The following RNF17 variants were observed in gnomAD, a reference collection of about 807,000 sequenced individuals.
RNF17 encodes the protein spermatogenesis associated 23.
A neutral mutation model predicts 200.5 loss-of-function variants in RNF17; 31 were observed. The observed-to-expected ratio is 0.15, with a 90% CI of 0.12 to 0.21. The LOEUF (loss-of-function observed/expected upper bound fraction) is 0.21. Among genes scored for constraint, RNF17 ranks in the 10% least tolerant of loss-of-function variants. RNF17 has a pLI of 1.00. For missense variants in RNF17, 1,628 were observed against 1,905.1 expected (o/e 0.85, Z 2.71); for synonymous variants, 606 against 637.8 (o/e 0.95, Z 0.75).
chr13:24,847,051 C>A (rs538288487), intron 22 of RNF17, among the ~76,000 whole-genome samples: 2 of 151,296 alleles, frequency 1.3e-5, no homozygotes, highest in South Asian at 4.2e-4. Context: ...ATAAACCATA[C>A]TGGTTTATCT....
At position 24,853,839 on chromosome 13, in the gene RNF17, T is replaced by C; in HGVS notation, c.3321-16T>C. ...ATTTGCTTATGTTTAGATGTGTTCT[T>C]TTTTGGATGTTACAGAATTAATAAC... is the stretch of plus-strand genomic sequence containing the variant. On this transcript the variant is annotated splice_polypyrimidine_tract_variant and intron_variant, in intron 24 of 35. Transcript: ENST00000255324. 6.4e-7 allele frequency: 1 copy of C among 1,572,534 alleles called. No individual in the cohort carries two copies. Among genetic ancestry groups the C allele is most frequent in the South Asian group, 1.2e-5 (1 of 84,708 alleles).
rs1044763613 is a variant in RNF17, at chr13:24,879,204, G to C, written c.4791G>C (p.Gln1597His). 3.7e-6 allele frequency: 6 copies of C among 1,613,238 alleles called. No homozygotes were observed. In the African/African-American group the frequency reaches 8.0e-5, roughly 22 times the overall value. The stretch of plus-strand genomic sequence containing the variant: ...AATTTTAGGCTCCAGCACCAGAACA[G>C]ATAGTGACATTATATGACGATGAAC... ...YAVSMAPAPE[Q>H]IVTLYDDEQH... is the part of the protein sequence containing the mutation. The change falls in exon 35 of 36, where the codon CAG becomes CAC. Residue 1597 changes from glutamine (Q) to histidine (H), a missense_variant. Coordinates refer to ENST00000255324, the MANE Select transcript of RNF17 (RefSeq NM_031277.3).
At chr13:24,852,322 T>C (rs1217315019) in intron 24 of RNF17, among the ~76,000 whole-genome samples, 1 of 152,048 alleles carries the variant, frequency 6.6e-6, no homozygotes, top group African/African-American at 2.4e-5. Flanking sequence ...GTATTTTTAG[T>C]AGAGACGGGG....
At chr13:24,763,369 ATTTTTTTT>A (rs34750040), upstream of RNF17, among the ~76,000 whole-genome samples, 8 of 114,696 alleles carry the variant, frequency 7.0e-5, no homozygotes, top group South Asian at 3.1e-4. Flanking sequence ...CGTCCGGCTA[ATTTTTTTT>A]TTTTTTTTTT....
intron 6 of RNF17, among the ~76,000 whole-genome samples, 160 bp downstream of exon 6, chr13:24,782,104 C>A (rs1259957656): frequency 1.3e-5 from 2 of 152,118 alleles, no homozygotes; most frequent in African/African-American, 4.8e-5. Context: ...ACAGACTGAT[C>A]TTTAGAACTG....
intron 16 of RNF17, among the ~76,000 whole-genome samples, chr13:24,827,726 A>AC (rs1888885891): frequency 6.8e-6 from 1 of 147,026 alleles, no homozygotes; most frequent in Non-Finnish European, 1.5e-5. Context: ...AACAAAAAAA[A>AC]AAAAACAATA....
At chr13:24,869,988 C>CTGGA (rs1477140035) in intron 31 of RNF17, among the ~76,000 whole-genome samples, 2 of 132,630 alleles carry the variant, frequency 1.5e-5, no homozygotes, top group Admixed American at 8.9e-5. Flanking sequence ...GTCGCCCAGG[C>CTGGA]TGGAGTGCAG....
intron 8 of RNF17, 22 bp from the exon 9 acceptor site, chr13:24,789,676 A>G (rs1883592681): frequency 7.0e-7 from 1 of 1,424,606 alleles, no homozygotes; most frequent in Non-Finnish European, 9.9e-7. Context: ...ACATTTATGT[A>G]TATGTTAATG....
At chr13:24,753,781 G>C in the RNF17 span, among the ~76,000 whole-genome samples, 1 of 152,110 alleles carries the variant, frequency 6.6e-6, no homozygotes, top group South Asian at 2.1e-4. Context: ...GTTTTTTTGA[G>C]ACAGTCTTGC....
At chr13:24,864,740 A>G (rs1358205940) in intron 28 of RNF17, 133 bp from the exon 29 acceptor site, 3 of 654,688 alleles carry the variant, frequency 4.6e-6, no homozygotes, top group Non-Finnish European at 7.8e-6. Flanking sequence ...AGAAAATTCT[A>G]TGAAATGAGT....
At chr13:24,795,914 G>A (rs977281170) in intron 10 of RNF17, among the ~76,000 whole-genome samples, 3 of 152,160 alleles carry the variant, frequency 2.0e-5, no homozygotes, top group Non-Finnish European at 4.4e-5. Flanking sequence ...CAAGTATTAT[G>A]AAGTATTTGC....
Position 24,853,962 on chromosome 13 carries a change from C to T in RNF17, c.3428C>T (p.Pro1143Leu), listed in dbSNP as rs138493427. ...VTNCIKTNFD[P>L]DKKTADIISE... ...AACTGTATTAAAACTAACTTTGACC[C>T]TGACAAGAAAACTGCTGACATAATC... is the stretch of plus-strand genomic sequence containing the variant. Residue 1143 changes from proline (P) to leucine (L), a missense_variant, in exon 25 of 36, where the codon CCT becomes CTT. Physicochemically the swap from Pro to Leu is moderately conservative, Grantham distance 98 (BLOSUM62 -3). This residue lies in a region of RNF17 where 609 missense variants were observed against 681.9 expected (regional missense o/e 0.89). Coordinates refer to ENST00000255324, the MANE Select transcript of RNF17 (RefSeq NM_031277.3). 5 of 1,614,080 alleles carry T rather than the reference C, an allele frequency of 3.1e-6. No homozygotes were observed. In the East Asian group the frequency reaches 1.1e-4, roughly 36 times the overall value.
At chr13:24,810,941 C>A (rs1471426220) in intron 15 of RNF17, among the ~76,000 whole-genome samples, 12 of 149,006 alleles carry the variant, frequency 8.1e-5, no homozygotes, top group African/African-American at 2.0e-4. Flanking sequence ...GTTGAAAATT[C>A]TTTTCTTTAA....
At chr13:24,883,071 A>G (rs1212585970), downstream of RNF17, 25 of 1,035,192 alleles carry the variant, frequency 2.4e-5, no homozygotes, top group South Asian at 1.4e-4. Flanking sequence ...TTAGAATCTA[A>G]TCTTTTCCCC....
chr13:24,782,831 A>G (rs2137571554), intron 6 of RNF17, among the ~76,000 whole-genome samples: 1 of 152,264 alleles, frequency 6.6e-6, no homozygotes, highest in Non-Finnish European at 1.5e-5. Context: ...TATGACTTAC[A>G]ATATTTTCTC....
At chr13:24,844,399 A>G (rs913251996) in intron 20 of RNF17, among the ~76,000 whole-genome samples, 1 of 152,184 alleles carries the variant, frequency 6.6e-6, no homozygotes, top group Non-Finnish European at 1.5e-5. Context: ...CCTCAGAGAC[A>G]GTGACTTTTG....
rs1220624700 is a variant in RNF17, at chr13:24,804,278, T to C, written c.1950-10T>C. On this transcript the variant is annotated splice_polypyrimidine_tract_variant and intron_variant, in intron 14 of 35. Coordinates refer to ENST00000255324, the MANE Select transcript of RNF17 (RefSeq NM_031277.3). ...ACCCTGCTTACGCTTTTCATTATGC[T>C]TTTAATTAGGTTTAAGTCACAATCA... The C allele has an allele frequency of 1.9e-6, 3 of 1,610,352 alleles. No homozygotes were observed. The East Asian group carries it at 6.7e-5, about 36-fold the overall frequency.
intron 10 of RNF17, among the ~76,000 whole-genome samples, 180 bp downstream of exon 10, chr13:24,793,526 A>AT (rs1884150937): frequency 6.6e-6 from 1 of 152,106 alleles, no homozygotes; most frequent in Non-Finnish European, 1.5e-5. Flanking sequence ...AGTTAGGATA[A>AT]TTTTTATTTT....
chr13:24,764,158 C>T (rs759597959), upstream of RNF17: 13 of 1,536,428 alleles, frequency 8.5e-6, no homozygotes, highest in South Asian at 1.1e-4. Flanking sequence ...CCGCGAGGGC[C>T]GCCGGGACTC....
Sources: gnomAD v4.1 joint callset for allele counts (sites outside exome capture counted in the v4.1 genomes callset) on GRCh38, gnomAD v4.1.1 for gene constraint, gnomAD v4.1.1 regional missense constraint, MANE v1.5 for transcripts, NCBI Gene and HGNC (gene_info 2026-07-23, HGNC 2026-07-21) for gene names.